MGAT4C: variants seen among roughly 807,000 people sequenced by gnomAD.
MGAT4C encodes the protein MGAT4 family member C.
A neutral mutation model predicts 40.1 loss-of-function variants in MGAT4C; 19 were observed. The observed-to-expected ratio is 0.47, with a 90% confidence interval of 0.33 to 0.70. The LOEUF (loss-of-function observed/expected upper bound fraction) is 0.70. Ranked by LOEUF, MGAT4C falls within the 30% of genes least tolerant of loss-of-function variation. The pLI is 0.02. For missense variants in MGAT4C, 491 were observed against 563.2 expected (o/e 0.87, Z 1.30); for synonymous variants, 181 against 187.1 (o/e 0.97, Z 0.27).
intron 4 of MGAT4C, among the ~76,000 whole-genome samples, chr12:86,325,090 A>G (rs1353857084): frequency 6.6e-6 from 1 of 152,128 alleles, no homozygotes; most frequent in Non-Finnish European, 1.5e-5. Flanking sequence ...TGCTTCACAC[A>G]TGGATGAACA....
At chr12:86,287,099 T>G (rs958164676) in intron 4 of MGAT4C, among the ~76,000 whole-genome samples, 2 of 152,082 alleles carry the variant, frequency 1.3e-5, no homozygotes, top group African/African-American at 4.8e-5. Context: ...CTTTGGGTAT[T>G]CAATAATGAG....
intron 4 of MGAT4C, among the ~76,000 whole-genome samples, chr12:86,281,122 G>C (rs1339896531): frequency 6.6e-6 from 1 of 151,794 alleles, no homozygotes; most frequent in African/African-American, 2.4e-5. Context: ...CTTTTCTGTT[G>C]TTTATTGGCT....
At chr12:86,148,084 G>A (rs1883790350) in intron 1 of MGAT4C, among the ~76,000 whole-genome samples, 1 of 152,130 alleles carries the variant, frequency 6.6e-6, no homozygotes, top group Non-Finnish European at 1.5e-5. Flanking sequence ...ATTTCATAAA[G>A]AACTACTAAT....
At chr12:86,829,719 ATTG>A (rs1445161821) in intron 1 of MGAT4C, among the ~76,000 whole-genome samples, 3 of 151,190 alleles carry the variant, frequency 2.0e-5, no homozygotes, top group Admixed American at 1.3e-4. Context: ...TTCTTTTATA[ATTG>A]TTGTTACTTA....
At chr12:86,127,833 AAC>A (rs1359328510) in intron 1 of MGAT4C, among the ~76,000 whole-genome samples, 1 of 152,200 alleles carries the variant, frequency 6.6e-6, no homozygotes, top group African/African-American at 2.4e-5. Context: ...TTGGGGCAGT[AAC>A]ACAAGTGGAG....
intron 2 of MGAT4C, among the ~76,000 whole-genome samples, chr12:86,513,159 A>G (rs1958622711): frequency 1.3e-5 from 2 of 152,188 alleles, no homozygotes; most frequent in African/African-American, 4.8e-5. Context: ...AAGTAAGATT[A>G]ACTACAAAAC....
chr12:86,672,523 A>C (rs1165606535), intron 2 of MGAT4C, among the ~76,000 whole-genome samples: 2 of 152,078 alleles, frequency 1.3e-5, no homozygotes, highest in African/African-American at 4.8e-5. Context: ...AAATTGACAA[A>C]CCTTTACCCA....
rs184373743 is a variant in MGAT4C, at chr12:86,537,513, A to T, written c.-228-102248T>A. Among the ~76,000 whole-genome samples, 464 of 152,224 alleles carry T rather than the reference A, an allele frequency of 3.0e-3. 1 individual carries two copies. The highest frequency in any genetic ancestry group is 6.8e-3 in the Middle Eastern group (2 of 294). On this transcript the variant is annotated intron_variant, in intron 2 of 7. Transcript: ENST00000548651. Reference sequence around the variant, plus strand: ...AAAATTATATATATTTTCAACCAAAAAGGAAAAAAAAGTGAAGAAATAAAT... The same window carrying T: ...AAAATTATATATATTTTCAACCAAATAGGAAAAAAAAGTGAAGAAATAAAT...
chr12:86,634,536 C>T (rs1963157517), intron 2 of MGAT4C, among the ~76,000 whole-genome samples: 1 of 152,068 alleles, frequency 6.6e-6, no homozygotes, highest in Non-Finnish European at 1.5e-5. Flanking sequence ...GGCTGCATTC[C>T]TTTTGGAGCT....
intron 2 of MGAT4C, among the ~76,000 whole-genome samples, chr12:86,626,365 G>A (rs1015977385): frequency 2.6e-5 from 4 of 152,076 alleles, no homozygotes; most frequent in African/African-American, 9.7e-5. Context: ...GTACTTTTCT[G>A]GATAAAATAA....
At chr12:86,268,670 TATATATATAC>T (rs1952851884) in intron 4 of MGAT4C, among the ~76,000 whole-genome samples, 1 of 147,088 alleles carries the variant, frequency 6.8e-6, no homozygotes, top group African/African-American at 2.5e-5. Flanking sequence ...ACTACATATA[TATATATATAC>T]ATATATACAT....
intron 3 of MGAT4C, among the ~76,000 whole-genome samples, chr12:86,345,328 GGTTT>G: frequency 6.6e-6 from 1 of 151,782 alleles, no homozygotes; most frequent in East Asian, 1.9e-4. Flanking sequence ...ACAACGTGCA[GGTTT>G]GTTACATATG....
chr12:86,335,475 C>T (rs976794296), intron 3 of MGAT4C, among the ~76,000 whole-genome samples: 9 of 152,028 alleles, frequency 5.9e-5, no homozygotes, highest in Non-Finnish European at 2.9e-5. Flanking sequence ...CACAGATGGC[C>T]TGATAACACT....
intron 1 of MGAT4C, among the ~76,000 whole-genome samples, chr12:86,836,711 G>A (rs1316945411): frequency 2.6e-5 from 4 of 151,938 alleles, no homozygotes; most frequent in Admixed American, 2.6e-4. Flanking sequence ...TGCCCCTCCT[G>A]ATTTTCATAT....
intron 2 of MGAT4C, among the ~76,000 whole-genome samples, chr12:86,519,094 C>A (rs937391873): frequency 3.3e-5 from 5 of 152,128 alleles, no homozygotes; most frequent in East Asian, 1.9e-4. Context: ...TTGGTGAGAT[C>A]GAAATTTTTA....
chr12:86,786,573 T>C (rs1029457763), intron 1 of MGAT4C, among the ~76,000 whole-genome samples: 2 of 152,022 alleles, frequency 1.3e-5, no homozygotes, highest in African/African-American at 4.8e-5. Context: ...TCCAAACTTC[T>C]GCTCAAACTT....
chr12:86,818,884 A>G (rs1952653205), intron 1 of MGAT4C, among the ~76,000 whole-genome samples: 1 of 151,068 alleles, frequency 6.6e-6, no homozygotes, highest in Non-Finnish European at 1.5e-5. Context: ...CACTAAAATA[A>G]TTATATGAAT....
chr12:86,517,162 TATA>T, intron 2 of MGAT4C, among the ~76,000 whole-genome samples: 1 of 152,338 alleles, frequency 6.6e-6, no homozygotes, highest in East Asian at 1.9e-4. Flanking sequence ...AGAGTTACCA[TATA>T]ATGTTTTTGA....
intron 2 of MGAT4C, among the ~76,000 whole-genome samples, chr12:86,480,831 A>G (rs576667293): frequency 2.6e-5 from 4 of 151,742 alleles, no homozygotes; most frequent in Non-Finnish European, 5.9e-5. Flanking sequence ...CTCTACAATA[A>G]AACAACCTTT....
Sources: allele counts gnomAD v4.1 joint callset (sites outside exome capture counted in the v4.1 genomes callset), GRCh38; gene constraint gnomAD v4.1.1; transcripts MANE v1.5; gene names NCBI Gene and HGNC (gene_info 2026-07-23, HGNC 2026-07-21).